The following KCTD1 variants were observed in gnomAD, a reference collection of about 807,000 sequenced individuals.
KCTD1 encodes BTB/POZ domain-containing protein KCTD1.
Under a neutral mutation model 66.0 loss-of-function variants are expected in KCTD1, and 24 were observed. The ratio of observed to expected loss-of-function variants is 0.36; its 90% confidence interval spans 0.26 to 0.51. The LOEUF is 0.51. Among genes scored for constraint, KCTD1 ranks in the 20% least tolerant of loss-of-function variants. The probability of loss-of-function intolerance (pLI) is 0.95; values close to 1 mark genes in which losing one functional copy is unlikely to be tolerated. For synonymous variants in KCTD1, 511 were observed against 517.2 expected (o/e 0.99, Z 0.16); for missense variants, 943 against 1,205.2 (o/e 0.78, Z 3.22).
intron 1 of KCTD1, among the ~76,000 whole-genome samples, chr18:26,606,130 G>A (rs1031039630): frequency 4.6e-5 from 7 of 152,194 alleles, no homozygotes. Flanking sequence ...AGAAAGAAAT[G>A]TCTGGGTTAA....
At chr18:26,599,579 A>C in intron 1 of KCTD1, 1 of 1,504,848 alleles carries the variant, frequency 6.6e-7, no homozygotes, top group Non-Finnish European at 9.3e-7. Context: ...CAAAGAATCC[A>C]GCTTTGACAT....
At chr18:26,558,420 G>A (rs1370524165) in intron 1 of KCTD1, among the ~76,000 whole-genome samples, 1 of 152,152 alleles carries the variant, frequency 6.6e-6, no homozygotes, top group Admixed American at 6.5e-5. Context: ...ACTAAAAATA[G>A]AGCTTCCATA....
chr18:26,600,709 C>T (rs943552716), intron 1 of KCTD1, among the ~76,000 whole-genome samples: 4 of 151,720 alleles, frequency 2.6e-5, no homozygotes, highest in African/African-American at 9.7e-5. Context: ...AGACCCCTGC[C>T]CTGAGTCTCA....
intron 1 of KCTD1, among the ~76,000 whole-genome samples, chr18:26,656,710 G>A (rs1310143246): frequency 6.6e-6 from 1 of 151,504 alleles, no homozygotes; most frequent in Non-Finnish European, 1.5e-5. Context: ...CTGCGAGAAG[G>A]GGGCGGCGGG....
chr18:26,599,747 C>T, intron 1 of KCTD1: 1 of 1,573,034 alleles, frequency 6.4e-7, no homozygotes. Flanking sequence ...AGCATCTAAG[C>T]TGTGTTCACC....
intron 3 of KCTD1, among the ~76,000 whole-genome samples, chr18:26,474,498 C>T (rs1981237962): frequency 6.6e-6 from 1 of 152,114 alleles, no homozygotes; most frequent in Non-Finnish European, 1.5e-5. Flanking sequence ...TTAATTTTTG[C>T]CAATCTAATG....
chr18:26,549,219 C>T, upstream of KCTD1: 1 of 985,812 alleles, frequency 1.0e-6, no homozygotes, highest in African/African-American at 1.7e-5. Context: ...ATGGGGCTGG[C>T]GGCGGCGGCG....
chr18:26,599,811 C>T, intron 1 of KCTD1: 1 of 1,561,182 alleles, frequency 6.4e-7, no homozygotes, highest in East Asian at 2.2e-5. Flanking sequence ...AGCCCCTAAC[C>T]CCTGAGGAAA....
chr18:26,560,840 C>T (rs1214113817), intron 1 of KCTD1, among the ~76,000 whole-genome samples: 1 of 152,174 alleles, frequency 6.6e-6, no homozygotes, highest in African/African-American at 2.4e-5. Flanking sequence ...TCTATCATTG[C>T]TAGAAGGGTA....
upstream of KCTD1, chr18:26,549,309 T>G: frequency 1.0e-6 from 1 of 985,036 alleles, no homozygotes; most frequent in Non-Finnish European, 1.2e-6. Context: ...TTCCGACTCT[T>G]GCAAAGGAGC....
At chr18:26,644,530 G>A (rs936155025), upstream of KCTD1, among the ~76,000 whole-genome samples, 12 of 152,102 alleles carry the variant, frequency 7.9e-5, no homozygotes, top group South Asian at 6.2e-4. Flanking sequence ...AGGCCAAGGC[G>A]GGCAGATCAC....
intron 1 of KCTD1, among the ~76,000 whole-genome samples, chr18:26,611,587 G>T (rs548071487): frequency 7.8e-4 from 119 of 152,288 alleles, no homozygotes; most frequent in Non-Finnish European, 8.2e-4. Flanking sequence ...CTGACCTAAG[G>T]TGATCCGCCT....
chr18:26,612,132 A>C (rs1598966388), intron 1 of KCTD1, among the ~76,000 whole-genome samples: 1 of 152,198 alleles, frequency 6.6e-6, no homozygotes, highest in Middle Eastern at 3.4e-3. Flanking sequence ...CCTCACATGC[A>C]TGTGCTGATC....
At chr18:26,466,258 G>T (rs1279061001) in intron 3 of KCTD1, among the ~76,000 whole-genome samples, 1 of 152,224 alleles carries the variant, frequency 6.6e-6, no homozygotes, top group African/African-American at 2.4e-5. Flanking sequence ...TAGGACCAAG[G>T]GAGGGGAACG....
At chr18:26,504,128 G>A (rs1982908506) in intron 1 of KCTD1, among the ~76,000 whole-genome samples, 1 of 151,856 alleles carries the variant, frequency 6.6e-6, no homozygotes, top group East Asian at 1.9e-4. Flanking sequence ...GTGCAGTGGT[G>A]TGATCAAAGC....
chr18:26,579,969 GA>G (rs1986315772), intron 1 of KCTD1, among the ~76,000 whole-genome samples: 1 of 152,188 alleles, frequency 6.6e-6, no homozygotes. Flanking sequence ...GCAGTGTGGA[GA>G]AGTTGGCCAA....
chr18:26,610,394 G>A (rs901746686), intron 1 of KCTD1, among the ~76,000 whole-genome samples: 3 of 152,122 alleles, frequency 2.0e-5, no homozygotes, highest in African/African-American at 7.2e-5. Context: ...GTAACCGTGT[G>A]AGACCCCATC....
At chr18:26,520,625 C>A (rs576205203) in intron 1 of KCTD1, among the ~76,000 whole-genome samples, 4 of 152,306 alleles carry the variant, frequency 2.6e-5, no homozygotes, top group African/African-American at 7.2e-5. Flanking sequence ...CACATTAGAA[C>A]TCCCTAAAAC....
At chr18:26,625,796 T>C (rs1398144676) in intron 1 of KCTD1, among the ~76,000 whole-genome samples, 1 of 152,146 alleles carries the variant, frequency 6.6e-6, no homozygotes, top group Non-Finnish European at 1.5e-5. Context: ...GTCTTTTGCC[T>C]CTCTGGTCCC....
Sources: allele counts gnomAD v4.1 joint callset (sites outside exome capture counted in the v4.1 genomes callset), GRCh38; gene constraint gnomAD v4.1.1; transcripts MANE v1.5; gene names NCBI Gene and HGNC (gene_info 2026-07-23, HGNC 2026-07-21).